Variants in STYXL2 observed in about 807,000 individuals in gnomAD.
The protein encoded by STYXL2 is serine/threonine/tyrosine-interacting-like protein 2.
A neutral mutation model predicts 52.4 loss-of-function variants in STYXL2; 44 were observed. The ratio of observed to expected loss-of-function variants is 0.84; its 90% confidence interval spans 0.66 to 1.08. The LOEUF (loss-of-function observed/expected upper bound fraction) is 1.08. STYXL2 is among the 50% of genes least tolerant of loss of function. The pLI, the probability that STYXL2 is intolerant of heterozygous loss-of-function variation, is 0.00. For synonymous variants in STYXL2, 604 were observed against 586.9 expected (o/e 1.03, Z -0.42); for missense variants, 1,604 against 1,471.7 (o/e 1.09, Z -1.47).
intron 5 of STYXL2, among the ~76,000 whole-genome samples, chr1:167,121,454 C>A (rs1201322692): frequency 6.6e-6 from 1 of 152,254 alleles, no homozygotes; most frequent in Non-Finnish European, 1.5e-5. Context: ...GGAGCGGGTA[C>A]GCTCGCAATA....
Position 167,113,728 on chromosome 1 carries a change from T to A in STYXL2, c.129T>A (p.Asp43Glu). 2.5e-6 allele frequency: 4 copies of A among 1,613,844 alleles called. No individual in the cohort carries two copies. Among genetic ancestry groups the A allele is most frequent in the Non-Finnish European group, 3.4e-6 (4 of 1,179,718 alleles). Residue 43 changes from aspartate (D) to glutamate (E), a missense_variant, in exon 3 of 6, where the codon GAT (aspartate) becomes GAA (glutamate). Transcript: ENST00000361200. ...CCCTTAGGTATTCGATGGTCTCAGATGCAGAAACAGAAAGCATTTTCATGG... is the reference window on the plus strand; with the variant it reads ...CCCTTAGGTATTCGATGGTCTCAGAAGCAGAAACAGAAAGCATTTTCATGG... ...PSPSQYSMVS[D>E]AETESIFMEP...
At chr1:167,119,889 G>GGCTA (rs1397526119) in intron 5 of STYXL2, among the ~76,000 whole-genome samples, 3 of 152,196 alleles carry the variant, frequency 2.0e-5, no homozygotes, top group Non-Finnish European at 4.4e-5. Flanking sequence ...AGTGACAAAG[G>GGCTA]GCTAGCCATG....
chr1:167,123,725 G>C (rs192593268), intron 5 of STYXL2, among the ~76,000 whole-genome samples: 1 of 152,300 alleles, frequency 6.6e-6, no homozygotes, highest in East Asian at 1.9e-4. Context: ...CTGGGTTTAA[G>C]TGATTCTCCT....
chr1:167,095,029 G>C, intron 2 of STYXL2, 70 bp downstream of exon 2: 1 of 1,148,022 alleles, frequency 8.7e-7, no homozygotes, highest in Non-Finnish European at 1.3e-6. Context: ...TGGGCCATTA[G>C]CTCCAGGGAG....
chr1:167,100,963 T>C (rs1667391928), intron 2 of STYXL2, among the ~76,000 whole-genome samples: 1 of 152,230 alleles, frequency 6.6e-6, no homozygotes, highest in African/African-American at 2.4e-5. Context: ...CGATCCCACT[T>C]TACTTCACAG....
chr1:167,115,192 G>A (rs1341000298), intron 3 of STYXL2, among the ~76,000 whole-genome samples: 1 of 152,068 alleles, frequency 6.6e-6, no homozygotes, highest in Non-Finnish European at 1.5e-5. Flanking sequence ...CCCTTCTCTG[G>A]GGGCATCAAA....
At chr1:167,097,094 C>T (rs1305371973) in intron 2 of STYXL2, among the ~76,000 whole-genome samples, 1 of 152,212 alleles carries the variant, frequency 6.6e-6, no homozygotes, top group Non-Finnish European at 1.5e-5. Flanking sequence ...TGATTTGTCT[C>T]TCTGAGAGAA....
At position 167,127,987 on chromosome 1, in the gene STYXL2, T is replaced by C; in HGVS notation, c.2856T>C (p.Ser952=). The C allele has an allele frequency of 6.2e-7, 1 of 1,614,168 alleles. No homozygotes were observed. The highest frequency in any genetic ancestry group is 8.5e-7 in the Non-Finnish European group (1 of 1,180,026). The change falls in exon 6 of 6, where the codon AGT becomes AGC. Residue 952 remains serine, a synonymous_variant. Transcript: ENST00000361200. ...LRTEEKPPFQ[S]DWSGSSRGKY... ...CGGAGGAAAAACCTCCTTTCCAAAGTGACTGGTCTGGAAGTTCCAGAGGGA... is the reference window on the plus strand; with the variant it reads ...CGGAGGAAAAACCTCCTTTCCAAAGCGACTGGTCTGGAAGTTCCAGAGGGA...
rs1245143101 is a variant in STYXL2 at position 167,117,535 on chromosome 1, G to A, written c.413G>A (p.Trp138Ter). The A allele has an allele frequency of 1.2e-6, 2 of 1,605,142 alleles. No homozygotes were observed. The highest frequency in any genetic ancestry group is 3.4e-5 in the Admixed American group (2 of 58,916). ...EAPWNEVDEVWPNVFIAEKSV... is the reference protein window; with the variant it reads ...EAPWNEVDEV ...CCCTGGAATGAGGTGGATGAGGTCT[G>A]GCCCAATGTCTTCATAGCTGAGAAG... Residue 138 changes from tryptophan (W) to a stop codon, truncating the protein, a stop_gained, in exon 4 of 6, where the codon TGG becomes TAG. Transcript: ENST00000361200. LOFTEE classifies it high-confidence loss of function.
intron 5 of STYXL2, among the ~76,000 whole-genome samples, chr1:167,119,848 G>A (rs1233536143): frequency 6.6e-6 from 1 of 152,188 alleles, no homozygotes. Flanking sequence ...CATGGGGGAG[G>A]AGGCCTTCTG....
intron 5 of STYXL2, among the ~76,000 whole-genome samples, chr1:167,121,681 T>C (rs1347531701): frequency 6.6e-6 from 1 of 152,194 alleles, no homozygotes; most frequent in African/African-American, 2.4e-5. Context: ...ACCCAGGCGC[T>C]GCCTTCCCTG....
At chr1:167,110,000 T>C (rs536085679) in intron 2 of STYXL2, among the ~76,000 whole-genome samples, 76 of 152,202 alleles carry the variant, frequency 5.0e-4, no homozygotes, top group Non-Finnish European at 8.4e-4. Flanking sequence ...CTGGAGCAGT[T>C]ACTGGTATCC....
chr1:167,111,513 TACACACACACACACACAA>T (rs1462863547), intron 2 of STYXL2, among the ~76,000 whole-genome samples: 65 of 49,966 alleles, frequency 1.3e-3, no homozygotes, highest in Admixed American at 1.5e-3. Context: ...TATATATATA[TACACACACACACACACAA>T]ATATATATAT....
chr1:167,122,269 G>A (rs934251147), intron 5 of STYXL2, among the ~76,000 whole-genome samples: 13 of 152,070 alleles, frequency 8.5e-5, no homozygotes, highest in Admixed American at 1.3e-4. Flanking sequence ...AGCCTGGCAC[G>A]CCGGGCAGGC....
rs557583465 is a variant in STYXL2, at chr1:167,118,618, T to C, written c.438-631T>C. Among the ~76,000 whole-genome samples the C allele has an allele frequency of 2.0e-5, 3 of 152,352 alleles. No individual in the cohort carries two copies. In the South Asian group the frequency reaches 6.2e-4, roughly 32 times the overall value. Reference sequence around the variant, plus strand: ...AGCTTTTGTTCCTTCTCGGACAACCTGTCCTCAGGGCCTCTTCAAACTAAG... The same window carrying C: ...AGCTTTTGTTCCTTCTCGGACAACCCGTCCTCAGGGCCTCTTCAAACTAAG... On this transcript the variant is annotated intron_variant, in intron 4 of 5. Coordinates refer to ENST00000361200, the MANE Select transcript of STYXL2 (RefSeq NM_001080426.3).
chr1:167,097,639 GAGAAAAAGAATAC>G, intron 2 of STYXL2, among the ~76,000 whole-genome samples: 1 of 149,642 alleles, frequency 6.7e-6, no homozygotes, highest in African/African-American at 2.5e-5. Flanking sequence ...AAAGAAAGTA[GAGAAAAAGAATAC>G]AGAAAAAGAA....
chr1:167,095,431 G>T (rs1043888969), intron 2 of STYXL2, among the ~76,000 whole-genome samples: 1 of 152,044 alleles, frequency 6.6e-6, no homozygotes, highest in Non-Finnish European at 1.5e-5. Flanking sequence ...CCATAATCAA[G>T]CTGTGTCTTT....
chr1:167,121,966 G>T (rs1219003306), intron 5 of STYXL2, among the ~76,000 whole-genome samples: 1 of 152,190 alleles, frequency 6.6e-6, no homozygotes, highest in East Asian at 1.9e-4. Context: ...AGGTCCTGTG[G>T]TTTTCTCTGC....
intron 2 of STYXL2, among the ~76,000 whole-genome samples, chr1:167,106,972 T>C (rs1175983581): frequency 1.3e-5 from 2 of 152,224 alleles, no homozygotes; most frequent in Non-Finnish European, 2.9e-5. Flanking sequence ...GGACAATAAT[T>C]TCATTTTGCT....
Sources: gnomAD v4.1 joint callset for allele counts (sites outside exome capture counted in the v4.1 genomes callset) on GRCh38, gnomAD v4.1.1 for gene constraint, MANE v1.5 for transcripts, NCBI Gene and HGNC (gene_info 2026-07-23, HGNC 2026-07-21) for gene names.